The following DHRS3 variants were observed in gnomAD, a reference collection of about 807,000 sequenced individuals.
DHRS3 encodes dehydrogenase/reductase 3.
Under a neutral mutation model 27.2 loss-of-function variants are expected in DHRS3, and 14 were observed. The observed-to-expected ratio is 0.52, with a 90% confidence interval of 0.34 to 0.81. The LOEUF is 0.81. Among genes scored for constraint, DHRS3 ranks in the 30% least tolerant of loss-of-function variants. DHRS3 has a pLI of 0.01. For missense variants in DHRS3, 322 were observed against 406.2 expected, an observed-to-expected ratio of 0.79 and a Z score of 1.78; for synonymous variants, 165 against 175.9, an observed-to-expected ratio of 0.94 and a Z score of 0.49.
At chr1:12,614,420 C>T (rs954787931) in intron 1 of DHRS3, among the ~76,000 whole-genome samples, 3 of 151,934 alleles carry the variant, frequency 2.0e-5, no homozygotes, top group Admixed American at 1.3e-4. Flanking sequence ...AAACCCTAAC[C>T]ATGACTGGCC....
At chr1:12,599,616 G>C (rs1186463509) in intron 1 of DHRS3, among the ~76,000 whole-genome samples, 1 of 152,226 alleles carries the variant, frequency 6.6e-6, no homozygotes, top group African/African-American at 2.4e-5. Flanking sequence ...TCACACTTTT[G>C]TTCTGGCCAG....
chr1:12,584,738 G>A (rs553227653), intron 1 of DHRS3, among the ~76,000 whole-genome samples: 19 of 152,340 alleles, frequency 1.2e-4, no homozygotes, highest in African/African-American at 4.6e-4. Flanking sequence ...CGGGCCTTGG[G>A]TGAGGAGCAG....
chr1:12,580,413 C>G (rs1646633409), intron 2 of DHRS3, 110 bp downstream of exon 2: 1 of 1,518,934 alleles, frequency 6.6e-7, no homozygotes, highest in Non-Finnish European at 9.0e-7. Context: ...CCGGGCAAAG[C>G]CATTCTGCCA....
In DHRS3 at chr1:12,578,927, C is replaced by T. The variant is rs867569622; in HGVS notation, c.489G>A (p.Leu163=). 2 of 1,613,442 alleles carry T rather than the reference C, an allele frequency of 1.2e-6. No individual in the cohort carries two copies. The highest frequency in any genetic ancestry group is 1.7e-4 in the Middle Eastern group (1 of 6,060). Residue 163 remains leucine (L), a synonymous_variant, in exon 4 of 6, where the codon CTG becomes CTA. Coordinates refer to ENST00000616661, the MANE Select transcript of DHRS3 (RefSeq NM_004753.7). The surrounding 1 kb of genome is among the most constrained non-coding windows in gnomAD (Gnocchi z 4.5). ...WTTKAFLPRM[L]ELQNGHIVCL... The stretch of plus-strand genomic sequence containing the variant: ...ACACGATGTGGCCATTCTGCAGCTC[C>T]AGCATACGCGGCAGGAAGGCCTTGG...
intron 1 of DHRS3, among the ~76,000 whole-genome samples, chr1:12,582,584 G>T (rs527343039): frequency 2.0e-5 from 3 of 152,154 alleles, no homozygotes; most frequent in African/African-American, 7.2e-5. Flanking sequence ...AAGCTGGGAG[G>T]TTCAGTTCAT....
intron 1 of DHRS3, among the ~76,000 whole-genome samples, chr1:12,585,479 C>T (rs375063446): frequency 2.7e-4 from 41 of 152,198 alleles, no homozygotes; most frequent in East Asian, 2.1e-3. Flanking sequence ...CGCAGGGAAG[C>T]GCGGCTGGGC....
At chr1:12,603,182 C>T (rs1047676793) in intron 1 of DHRS3, among the ~76,000 whole-genome samples, 3 of 152,118 alleles carry the variant, frequency 2.0e-5, no homozygotes, top group African/African-American at 7.2e-5. Context: ...GGGTCCCTCT[C>T]CTGAGGGGCA....
At chr1:12,613,296 T>C (rs1646922491) in intron 1 of DHRS3, among the ~76,000 whole-genome samples, 1 of 152,154 alleles carries the variant, frequency 6.6e-6, no homozygotes, top group African/African-American at 2.4e-5. Flanking sequence ...AGAATACATT[T>C]TGTTGTAGTA....
chr1:12,568,366 T>C lies in DHRS3; in HGVS notation c.883A>G (p.Met295Val). 6.2e-6 allele frequency: 10 copies of C among 1,613,958 alleles called. No homozygotes were observed. Among genetic ancestry groups the C allele is most frequent in the Non-Finnish European group, 8.5e-6 (10 of 1,179,818 alleles). ...TATGTCCGCCCTTTGAAAGTGTTCA[T>C]GCAGGTGTAGGTTCCTGAGAATTTG... Reference protein sequence around the residue: ...IHKFSGTYTCMNTFKGRT With the variant: ...IHKFSGTYTCVNTFKGRT Residue 295 changes from methionine (M) to valine (V), a missense_variant, in exon 6 of 6, where the codon ATG becomes GTG. By Grantham distance (21) the Met-to-Val change is conservative. Transcript: ENST00000616661.
At chr1:12,606,255 GA>G (rs1320078165) in intron 1 of DHRS3, among the ~76,000 whole-genome samples, 2 of 120,268 alleles carry the variant, frequency 1.7e-5, no homozygotes, top group South Asian at 5.6e-4. Context: ...CATCAAATTA[GA>G]AAGAAAAAAT....
intron 1 of DHRS3, among the ~76,000 whole-genome samples, chr1:12,589,839 T>C (rs894198097): frequency 3.5e-5 from 5 of 141,248 alleles, no homozygotes; most frequent in Admixed American, 3.4e-4. Context: ...AAGCTAGCTG[T>C]CATTATTATT....
At chr1:12,598,127 T>C (rs569067032) in intron 1 of DHRS3, among the ~76,000 whole-genome samples, 43 of 152,172 alleles carry the variant, frequency 2.8e-4, no homozygotes, top group Non-Finnish European at 6.0e-4. Flanking sequence ...AGTCTCTACA[T>C]GTGCAGGGGC....
chr1:12,615,441 G>C (rs1296896749), intron 1 of DHRS3, among the ~76,000 whole-genome samples: 1 of 152,138 alleles, frequency 6.6e-6, no homozygotes, highest in Non-Finnish European at 1.5e-5. Context: ...TTCCCGGTGC[G>C]TGAACTTGCA....
chr1:12,605,492 C>T (rs1199111101), intron 1 of DHRS3, among the ~76,000 whole-genome samples: 1 of 152,036 alleles, frequency 6.6e-6, no homozygotes, highest in Non-Finnish European at 1.5e-5. Context: ...TTAACAGTAC[C>T]ATGTATAGTA....
At position 12,572,841 on chromosome 1, in the gene DHRS3, G is replaced by C; in HGVS notation, c.711C>G (p.Leu237=). 1 of 1,603,370 alleles carries C rather than the reference G, an allele frequency of 6.2e-7. No homozygotes were observed. Among genetic ancestry groups the C allele is most frequent in the South Asian group, 1.1e-5 (1 of 88,910 alleles). Residue 237 remains leucine, a synonymous_variant, in exon 5 of 6, where the codon CTC becomes CTG. Transcript: ENST00000616661. ...CCGTCTCCGGCTTCAGTGGGGGAAA[G>C]AGGTTGGGAAACCTGAACACAGGAA... is the stretch of plus-strand genomic sequence containing the variant. ...FQGMRVRFPN[L]FPPLKPETVA...
At position 12,568,301 on chromosome 1, in the gene DHRS3, C is replaced by G. The variant is rs758647101; in HGVS notation, c.*39G>C. 74 of 1,598,512 alleles carry G rather than the reference C, an allele frequency of 4.6e-5. No individual in the cohort carries two copies. Among genetic ancestry groups the G allele is most frequent in the Non-Finnish European group, 2.6e-6 (3 of 1,166,524 alleles). On this transcript the variant is annotated 3_prime_UTR_variant, in exon 6 of 6. Transcript: ENST00000616661. ...GTGTGTGCCCAGGTGCTGTGGCCCC[C>G]AAACTCCGTGGCTCCTCAAGCATGT...
At chr1:12,589,634 A>T (rs1317200918) in intron 1 of DHRS3, among the ~76,000 whole-genome samples, 4 of 152,076 alleles carry the variant, frequency 2.6e-5, no homozygotes, top group Admixed American at 2.0e-4. Context: ...CACCGTGCCC[A>T]GCCTAAAACA....
rs1379729744 is a variant in DHRS3, at chr1:12,579,286, C to A, written c.459+7G>T. Reference sequence around the variant, plus strand: ...CGGGGCTGGCTCTGGCCCCGGATAGCCCTTACCCAGAACTGGCCCAGGGTG... The same window carrying A: ...CGGGGCTGGCTCTGGCCCCGGATAGACCTTACCCAGAACTGGCCCAGGGTG... On this transcript the variant is annotated splice_region_variant and intron_variant, in intron 3 of 5. Transcript: ENST00000616661. The A allele has an allele frequency of 6.2e-7, 1 of 1,614,126 alleles. No individual in the cohort carries two copies. The highest frequency in any genetic ancestry group is 1.1e-5 in the South Asian group (1 of 91,086).
chr1:12,572,915 T>C, intron 4 of DHRS3, 62 bp from the exon 5 acceptor site: 1 of 1,500,320 alleles, frequency 6.7e-7, no homozygotes, highest in South Asian at 1.3e-5. Context: ...TCTGGAAGTC[T>C]TTATGAGGCT....
Sources: gnomAD v4.1 joint callset for allele counts (sites outside exome capture counted in the v4.1 genomes callset) on GRCh38, gnomAD v4.1.1 for gene constraint, Gnocchi (gnomAD v3.1) non-coding constraint, MANE v1.5 for transcripts, NCBI Gene and HGNC (gene_info 2026-07-23, HGNC 2026-07-21) for gene names.